VPS13D: variants seen among roughly 807,000 people sequenced by gnomAD.
VPS13D encodes vacuolar protein sorting 13 homolog D.
A neutral mutation model predicts 461.9 loss-of-function variants in VPS13D; 187 were observed. The ratio of observed to expected loss-of-function variants is 0.40; its 90% CI spans 0.36 to 0.46. The LOEUF is 0.46. VPS13D is among the 20% of genes least tolerant of loss of function. The pLI, the probability that VPS13D is intolerant of heterozygous loss-of-function variation, is 0.60. For missense variants in VPS13D, 4,711 were observed against 5,364.9 expected (o/e 0.88, Z 3.81); for synonymous variants, 1,951 against 1,986.3 (o/e 0.98, Z 0.47).
chr1:12,415,284 G>A, intron 64 of VPS13D, 63 bp downstream of exon 64: 2 of 1,607,228 alleles, frequency 1.2e-6, no homozygotes, highest in Non-Finnish European at 8.5e-7. Context: ...TAGTTGTTTG[G>A]GAATTTTGGT....
intron 9 of VPS13D, among the ~76,000 whole-genome samples, chr1:12,257,636 T>C (rs1258210720): frequency 6.6e-6 from 1 of 152,198 alleles, no homozygotes; most frequent in Non-Finnish European, 1.5e-5. Flanking sequence ...AAGATGGTAT[T>C]TACCTTACAG....
At chr1:12,465,754 T>C (rs953554816) in intron 67 of VPS13D, among the ~76,000 whole-genome samples, 4 of 152,206 alleles carry the variant, frequency 2.6e-5, no homozygotes, top group Middle Eastern at 3.2e-3. Flanking sequence ...AATGTTTGCA[T>C]GTTACTTATG....
intron 49 of VPS13D, 118 bp downstream of exon 49, chr1:12,356,642 G>A: frequency 7.4e-7 from 1 of 1,345,894 alleles, no homozygotes; most frequent in African/African-American, 1.5e-5. Context: ...TCCTGACTTG[G>A]CAGGGGAATA....
Position 12,234,184 on chromosome 1 carries a change from T to G in VPS13D, c.-76-7T>G. 1 of 1,029,334 alleles carries G rather than the reference T, an allele frequency of 9.7e-7. No individual in the cohort carries two copies. The highest frequency in any genetic ancestry group is 1.5e-6 in the Non-Finnish European group (1 of 681,162). 63.8% of individuals were successfully genotyped at this position (1,029,334 alleles called of 1,614,324 possible). Reference sequence around the variant, plus strand: ...TTATGTTGATTTTCATTATTTTCCTTTCATAGATTTTTCTGTGACCATGAA... The same window carrying G: ...TTATGTTGATTTTCATTATTTTCCTGTCATAGATTTTTCTGTGACCATGAA... On this transcript the variant is annotated splice_region_variant and splice_polypyrimidine_tract_variant and intron_variant, in intron 1 of 69. Transcript: ENST00000620676.
chr1:12,306,046 C>G (rs368032705), intron 26 of VPS13D, among the ~76,000 whole-genome samples: 1 of 151,676 alleles, frequency 6.6e-6, no homozygotes, highest in Admixed American at 6.6e-5. Context: ...TGCAGTGATG[C>G]GATCTTGGCT....
At chr1:12,332,011 G>A (rs1231284425) in intron 37 of VPS13D, among the ~76,000 whole-genome samples, 1 of 152,170 alleles carries the variant, frequency 6.6e-6, no homozygotes, top group Non-Finnish European at 1.5e-5. Context: ...AAGTCACAGT[G>A]ATGTACCATT....
In VPS13D at chr1:12,507,146, G is replaced by A; in HGVS notation, c.13035+53G>A. On this transcript the variant is annotated intron_variant, in intron 69 of 69. Coordinates refer to ENST00000620676, the MANE Select transcript of VPS13D (RefSeq NM_015378.4). This position sits in a 1 kb window ranked among gnomAD's most constrained non-coding sequence, Gnocchi z 5.3. ...TGAGGGGCGGGGCCAGGGCCTCGAT[G>A]CCTCTGCCCTGCTTCCCCGTCCTCA... 6.2e-7 allele frequency: 1 copy of A among 1,610,460 alleles called. No homozygotes were observed. Among genetic ancestry groups the A allele is most frequent in the Non-Finnish European group, 8.5e-7 (1 of 1,177,866 alleles).
At chr1:12,405,673 G>A (rs1245417940) in intron 63 of VPS13D, among the ~76,000 whole-genome samples, 2 of 152,184 alleles carry the variant, frequency 1.3e-5, no homozygotes, top group Non-Finnish European at 2.9e-5. Flanking sequence ...GGAGTGAGGG[G>A]AAAACCATGG....
At chr1:12,238,143 C>A (rs1285281676) in intron 2 of VPS13D, among the ~76,000 whole-genome samples, 20 of 147,956 alleles carry the variant, frequency 1.4e-4, no homozygotes, top group African/African-American at 4.7e-4. Flanking sequence ...GACAGTGGGA[C>A]CCTGTCTCAA....
chr1:12,305,301 GTC>G (rs1372877735), intron 26 of VPS13D, among the ~76,000 whole-genome samples: 2 of 151,856 alleles, frequency 1.3e-5, no homozygotes, highest in South Asian at 2.1e-4. Context: ...TCAAGACAGG[GTC>G]TCTCACTGTC....
chr1:12,245,887 G>A (rs1446914683), intron 5 of VPS13D, among the ~76,000 whole-genome samples: 1 of 152,156 alleles, frequency 6.6e-6, no homozygotes, highest in Non-Finnish European at 1.5e-5. Flanking sequence ...ATTTTCACTT[G>A]ACATAATGTT....
intron 8 of VPS13D, 71 bp downstream of exon 8, chr1:12,256,574 A>G: frequency 6.5e-7 from 1 of 1,534,132 alleles, no homozygotes; most frequent in South Asian, 1.2e-5. Context: ...CTTGATATTA[A>G]CGTATCCTCA....
intron 66 of VPS13D, 60 bp from the exon 67 acceptor site, chr1:12,460,141 C>A: frequency 6.9e-7 from 1 of 1,448,328 alleles, no homozygotes; most frequent in Admixed American, 2.3e-5. Flanking sequence ...AGGGGTTTGG[C>A]TTTAAATGCT....
At position 12,245,739 on chromosome 1, in the gene VPS13D, A is replaced by T. The variant is rs77879837; in HGVS notation, c.447+1122A>T. ...ACCAAAACCCTGTATCTTAAAAAAA[A>T]AATAATAATTTAAAAAAGTAGTCAT... On this transcript the variant is annotated intron_variant, in intron 5 of 69. Transcript: ENST00000620676. 5.6e-3 allele frequency among the ~76,000 whole-genome samples: 850 copies of T among 152,286 alleles called. 5 individuals carry two copies. Among genetic ancestry groups the T allele is most frequent in the African/African-American group, 0.018 (747 of 41,526 alleles).
At position 12,299,155 on chromosome 1, in the gene VPS13D, A is replaced by G. The variant is rs1642354392; in HGVS notation, c.6034-47A>G. 1 of 1,507,552 alleles carries G rather than the reference A, an allele frequency of 6.6e-7. No homozygotes were observed. The highest frequency in any genetic ancestry group is 1.8e-4 in the Middle Eastern group (1 of 5,634). 93.4% of individuals were successfully genotyped at this position (1,507,552 alleles called of 1,614,324 possible). On this transcript the variant is annotated intron_variant, in intron 24 of 69. Transcript: ENST00000620676. This position sits in a 1 kb window ranked among gnomAD's most constrained non-coding sequence, Gnocchi z 4.2. ...GAACCTGAGGTTATTTGGTGGTAAA[A>G]TTAGGGAATTAATTATCCTCTGAGT...
At chr1:12,265,614 G>A (rs1011890470) in intron 13 of VPS13D, among the ~76,000 whole-genome samples, 4 of 152,192 alleles carry the variant, frequency 2.6e-5, no homozygotes, top group Admixed American at 1.3e-4. Flanking sequence ...GCATTAACAG[G>A]AGTTTGGAAG....
rs558066216 is a variant in VPS13D, at chr1:12,283,047, G to T, written c.4945G>T (p.Asp1649Tyr). ...AGGTCTTGTGAGCTTAAAGTTTCAG[G>T]ACTTTGAGGTGGAATTCAGTAAAGA... The part of the protein sequence containing the change: ...AQGLVSLKFQ[D>Y]FEVEFSKDHP... The change falls in exon 21 of 70, where the codon GAC (aspartate) becomes TAC (tyrosine). Residue 1649 changes from aspartate (D) to tyrosine (Y), a missense_variant. Physicochemically the swap from Asp to Tyr is radical, Grantham distance 160. Around this residue, in one of 3 missense-constraint regions of VPS13D, gnomAD observed 4,411 missense variants for 4,937.8 expected, o/e 0.89. Transcript: ENST00000620676. The T allele has an allele frequency of 1.2e-6, 2 of 1,614,154 alleles. No homozygotes were observed. Among genetic ancestry groups the T allele is most frequent in the Non-Finnish European group, 8.5e-7 (1 of 1,180,020 alleles).
intron 40 of VPS13D, among the ~76,000 whole-genome samples, chr1:12,339,542 G>A (rs144971279): frequency 5.9e-5 from 9 of 152,326 alleles, no homozygotes; most frequent in Non-Finnish European, 1.0e-4. Context: ...TGAAGAAATT[G>A]GGTTTGGTCA....
intron 37 of VPS13D, among the ~76,000 whole-genome samples, chr1:12,330,523 C>T (rs914334917): frequency 6.6e-6 from 1 of 152,150 alleles, no homozygotes; most frequent in Non-Finnish European, 1.5e-5. Flanking sequence ...ATTTATTTCG[C>T]CCTGAGAGTA....
Sources: gnomAD v4.1 joint callset for allele counts (sites outside exome capture counted in the v4.1 genomes callset) on GRCh38, gnomAD v4.1.1 for gene constraint, gnomAD v4.1.1 regional missense constraint, Gnocchi (gnomAD v3.1) non-coding constraint, MANE v1.5 for transcripts, NCBI Gene and HGNC (gene_info 2026-07-23, HGNC 2026-07-21) for gene names.